The following IKBKE variants were observed in gnomAD, a reference collection of about 807,000 sequenced individuals.
IKBKE encodes inhibitor of nuclear factor kappa-B kinase subunit epsilon.
IKBKE carries 45 observed loss-of-function variants against 92.1 expected under a neutral mutation model. The ratio of observed to expected loss-of-function variants is 0.49; its 90% CI spans 0.38 to 0.63. The LOEUF (loss-of-function observed/expected upper bound fraction) is 0.63. Ranked by LOEUF, IKBKE falls within the 20% of genes least tolerant of loss-of-function variation. IKBKE has a pLI of 0.00. For missense variants in IKBKE, 700 were observed against 932.8 expected (o/e 0.75, Z 3.25); for synonymous variants, 374 against 380.3 (o/e 0.98, Z 0.19).
rs1336670825 is a variant in IKBKE, at chr1:206,474,994, G to C, written c.358G>C (p.Val120Leu). Residue 120 changes from valine to leucine, a missense_variant and splice_region_variant, in exon 5 of 22, where the codon GTG (valine) becomes CTG (leucine). Physicochemically the swap from Val to Leu is conservative, Grantham distance 32. Coordinates refer to ENST00000581977, the MANE Select transcript of IKBKE (RefSeq NM_014002.4). ...GTTCCTGGTGGTGCTGCGCTGTGTG[G>C]GTGAGCCCCTCCCTGTCCCTGCCTC... ...DEFLVVLRCVVAGMNHLRENG... is the reference protein window; with the variant it reads ...DEFLVVLRCVLAGMNHLRENG... 6.2e-7 allele frequency: 1 copy of C among 1,613,610 alleles called. No homozygotes were observed. The highest frequency in any genetic ancestry group is 1.3e-5 in the African/African-American group (1 of 74,880).
At position 206,470,611 on chromosome 1, in the gene IKBKE, A is replaced by G. The variant is rs1664722389; in HGVS notation, c.-210A>G. On this transcript the variant is annotated 5_prime_UTR_variant, in exon 1 of 22. Transcript: ENST00000581977. ...GGCCCTTGGCTACCAGGAGGCTAAG[A>G]ACACTGCTCATGAATGACAGTGAGC... 1 of 152,298 alleles carries G rather than the reference A, an allele frequency of 6.6e-6. No homozygotes were observed. Among genetic ancestry groups the G allele is most frequent in the East Asian group, 1.9e-4 (1 of 5,186 alleles). 9.4% of individuals were successfully genotyped at this position (152,298 alleles called of 1,614,324 possible).
At chr1:206,484,140 AT>A (rs1399503105) in intron 13 of IKBKE, among the ~76,000 whole-genome samples, 10 of 147,044 alleles carry the variant, frequency 6.8e-5, no homozygotes, top group Admixed American at 1.4e-4. Flanking sequence ...ATTGTATTGT[AT>A]TGTATTGTAT....
At position 206,493,029 on chromosome 1, in the gene IKBKE, G is replaced by A. The variant is rs1553391017; in HGVS notation, c.1842G>A (p.Val614=). 6.4e-7 allele frequency: 1 copy of A among 1,568,606 alleles called. No homozygotes were observed. The highest frequency in any genetic ancestry group is 8.7e-7 in the Non-Finnish European group (1 of 1,155,900). Residue 614 remains valine, a synonymous_variant, in exon 19 of 22, where the codon GTG becomes GTA. Coordinates refer to ENST00000581977, the MANE Select transcript of IKBKE (RefSeq NM_014002.4). The part of the protein sequence containing the change: ...LVTHGKRMRV[V]HETRNHLRLV... ...CTCTGTGTGTTCTCTTGAGGGTGGT[G>A]CACGAGACCAGGAACCACCTGCGCC...
intron 7 of IKBKE, among the ~76,000 whole-genome samples, chr1:206,477,218 G>A (rs1289430771): frequency 6.6e-6 from 1 of 152,152 alleles, no homozygotes; most frequent in Non-Finnish European, 1.5e-5. Context: ...TGTGCCATCG[G>A]ACAGGGAAGT....
intron 8 of IKBKE, 67 bp downstream of exon 8, chr1:206,477,926 C>A: frequency 1.7e-6 from 2 of 1,156,736 alleles, no homozygotes; most frequent in South Asian, 1.3e-5. Context: ...TCTGCTAAGT[C>A]AAGACTTCTG....
chr1:206,493,774 G>A (rs1666077115), intron 20 of IKBKE, 146 bp from the exon 21 acceptor site: 3 of 625,666 alleles, frequency 4.8e-6, no homozygotes, highest in Non-Finnish European at 8.3e-6. Flanking sequence ...GGGCAAAGGA[G>A]CAAGACTCCG....
intron 7 of IKBKE, among the ~76,000 whole-genome samples, 172 bp from the exon 8 acceptor site, chr1:206,477,577 G>A (rs1343696316): frequency 2.0e-5 from 3 of 152,206 alleles, no homozygotes; most frequent in South Asian, 2.1e-4. Flanking sequence ...GAGGAGTGCT[G>A]AGGCAAGGCG....
chr1:206,475,128 A>G, intron 5 of IKBKE, 134 bp downstream of exon 5: 1 of 934,134 alleles, frequency 1.1e-6, no homozygotes, highest in Admixed American at 2.8e-5. Context: ...AACCTAAAAA[A>G]GATTGTACAC....
At chr1:206,492,328 C>T (rs1411018864) in intron 18 of IKBKE, 4 of 407,702 alleles carry the variant, frequency 9.8e-6, no homozygotes, top group Non-Finnish European at 2.1e-5. Context: ...GAACACTGGC[C>T]CCTCCTGAGA....
At position 206,496,126 on chromosome 1, in the gene IKBKE, C is replaced by G. The variant is rs1666227100; in HGVS notation, c.2132C>G (p.Pro711Arg). Reference sequence around the variant, plus strand: ...TTTTCTTGTAGGCTAAATAGAGTCCCAGCACCTCCTGATGTCTGAGCTCCA... The same window carrying G: ...TTTTCTTGTAGGCTAAATAGAGTCCGAGCACCTCCTGATGTCTGAGCTCCA... ...NRIIERLNRV[P>R]APPDV The change falls in exon 22 of 22, where the codon CCA becomes CGA. Residue 711 changes from proline (P) to arginine (R), a missense_variant. Physicochemically the swap from Pro to Arg is moderately radical, Grantham distance 103. Transcript: ENST00000581977. The G allele has an allele frequency of 1.9e-6, 3 of 1,613,554 alleles. No homozygotes were observed. The highest frequency in any genetic ancestry group is 2.5e-6 in the Non-Finnish European group (3 of 1,179,574).
intron 12 of IKBKE, 42 bp from the exon 13 acceptor site, chr1:206,480,405 C>A (rs1558477660): frequency 3.4e-5 from 52 of 1,509,568 alleles, no homozygotes; most frequent in Non-Finnish European, 4.8e-5. Flanking sequence ...GGTGCTGAGT[C>A]CCCCGATCAA....
Position 206,474,536 on chromosome 1 carries a change from G to T in IKBKE, c.228+65G>T, listed in dbSNP as rs935095297. 34 of 1,463,428 alleles carry T rather than the reference G, an allele frequency of 2.3e-5. No homozygotes were observed. The Middle Eastern group carries it at 5.3e-4, about 23-fold the overall frequency. The allele number at this position is 1,463,428 out of a possible 1,614,324, so 90.7% of individuals were successfully genotyped here. On this transcript the variant is annotated intron_variant, in intron 4 of 21. Coordinates refer to ENST00000581977, the MANE Select transcript of IKBKE (RefSeq NM_014002.4). ...ACCCTTATGGTCTGGGGAGAATCAGGCCACATGATAACAGAGATTTGGTCC... is the reference window on the plus strand; with the variant it reads ...ACCCTTATGGTCTGGGGAGAATCAGTCCACATGATAACAGAGATTTGGTCC...
At chr1:206,492,812 G>T (rs943684867) in intron 18 of IKBKE, 4 of 673,224 alleles carry the variant, frequency 5.9e-6, no homozygotes, top group African/African-American at 5.3e-5. Flanking sequence ...GCTCTGAAGG[G>T]GGCCTCCCAG....
chr1:206,480,405 C>T lies in IKBKE; in HGVS notation c.1341-42C>T, dbSNP rs1558477660. On this transcript the variant is annotated intron_variant, in intron 12 of 21. Coordinates refer to ENST00000581977, the MANE Select transcript of IKBKE (RefSeq NM_014002.4). ...GCTGTCTGCATGCACGGTGCTGAGT[C>T]CCCCGATCAAGGCAGCTCTGACTCA... 2.0e-6 allele frequency: 3 copies of T among 1,509,570 alleles called. No individual in the cohort carries two copies. In the East Asian group the frequency reaches 6.8e-5, roughly 34 times the overall value. 93.5% of individuals were successfully genotyped at this position (1,509,570 alleles called of 1,614,324 possible).
intron 18 of IKBKE, chr1:206,492,518 G>T (rs1553390703): frequency 2.1e-6 from 1 of 471,394 alleles, no homozygotes; most frequent in Non-Finnish European, 4.4e-6. Context: ...GGATGTCAGT[G>T]TAGTACAGCT....
intron 10 of IKBKE, among the ~76,000 whole-genome samples, 180 bp from the exon 11 acceptor site, chr1:206,479,690 G>A (rs1665266597): frequency 6.6e-6 from 1 of 152,234 alleles, no homozygotes; most frequent in Non-Finnish European, 1.5e-5. Flanking sequence ...CCGCAAGGTG[G>A]CAGTGAGGGA....
At chr1:206,474,620 AG>A (rs1553384709) in intron 4 of IKBKE, 149 bp downstream of exon 4, 1 of 570,922 alleles carries the variant, frequency 1.8e-6, no homozygotes, top group Non-Finnish European at 3.0e-6. Flanking sequence ...AAAGGGGGCA[AG>A]GGGGTGGGGG....
chr1:206,482,339 T>A (rs1665445678), intron 13 of IKBKE, among the ~76,000 whole-genome samples: 1 of 152,154 alleles, frequency 6.6e-6, no homozygotes, highest in African/African-American at 2.4e-5. Flanking sequence ...AAACAACCAG[T>A]AGAGAGCCAT....
chr1:206,480,568 A>C, intron 13 of IKBKE, 35 bp downstream of exon 13: 4 of 1,492,326 alleles, frequency 2.7e-6, no homozygotes, highest in Non-Finnish European at 3.7e-6. Context: ...GGGACCTCTC[A>C]GCCCTGCCTT....
Sources: gnomAD v4.1 joint callset for allele counts (sites outside exome capture counted in the v4.1 genomes callset) on GRCh38, gnomAD v4.1.1 for gene constraint, MANE v1.5 for transcripts, NCBI Gene and HGNC (gene_info 2026-07-23, HGNC 2026-07-21) for gene names.